NLGN1: variants seen among roughly 807,000 people sequenced by gnomAD.
NLGN1 encodes the protein neuroligin 1.
NLGN1 carries 12 observed loss-of-function variants against 65.5 expected under a neutral mutation model. The ratio of observed to expected loss-of-function variants is 0.18; its 90% confidence interval spans 0.12 to 0.30. The LOEUF is 0.30. NLGN1 is among the 10% of genes least tolerant of loss of function. NLGN1 has a pLI of 1.00. For missense variants in NLGN1, 750 were observed against 1,007.1 expected, an observed-to-expected ratio of 0.74 and a Z score of 3.46; for synonymous variants, 350 against 359.5, an observed-to-expected ratio of 0.97 and a Z score of 0.30.
intron 4 of NLGN1, among the ~76,000 whole-genome samples, chr3:173,838,572 C>T (rs1325771616): frequency 6.6e-6 from 1 of 152,134 alleles, no homozygotes; most frequent in Non-Finnish European, 1.5e-5. Context: ...GGGGATTTAT[C>T]TGCCTGCTTC....
chr3:173,922,938 C>G (rs1307461907), intron 4 of NLGN1, among the ~76,000 whole-genome samples: 2 of 152,030 alleles, frequency 1.3e-5, no homozygotes, highest in African/African-American at 2.4e-5. Flanking sequence ...TAAGCCTGTT[C>G]TGAGATTTGA....
chr3:173,580,534 C>T (rs1041846165), intron 2 of NLGN1, among the ~76,000 whole-genome samples: 4 of 151,844 alleles, frequency 2.6e-5, no homozygotes, highest in Non-Finnish European at 5.9e-5. Flanking sequence ...ATTGTTTGAT[C>T]TATTAAGTCA....
At chr3:174,198,015 G>T (rs1733788945) in intron 4 of NLGN1, among the ~76,000 whole-genome samples, 1 of 151,866 alleles carries the variant, frequency 6.6e-6, no homozygotes, top group Non-Finnish European at 1.5e-5. Flanking sequence ...ATTTGAGATG[G>T]TTCCTGTACT....
At chr3:173,427,387 T>G (rs960043673) in intron 1 of NLGN1, among the ~76,000 whole-genome samples, 1 of 151,954 alleles carries the variant, frequency 6.6e-6, no homozygotes, top group Non-Finnish European at 1.5e-5. Context: ...TCTATTTCCT[T>G]TAGATGCATA....
intron 4 of NLGN1, among the ~76,000 whole-genome samples, chr3:174,171,239 A>C (rs1728463566): frequency 6.6e-6 from 1 of 152,178 alleles, no homozygotes; most frequent in Non-Finnish European, 1.5e-5. Context: ...CAGGTGTCTA[A>C]TTGGTTGTTA....
intron 2 of NLGN1, among the ~76,000 whole-genome samples, chr3:173,539,902 A>C (rs1279365913): frequency 6.9e-6 from 1 of 145,748 alleles, no homozygotes; most frequent in East Asian, 2.0e-4. Context: ...TATATGTTAT[A>C]AATGTATATA....
At chr3:173,592,305 A>C (rs1223265692) in intron 2 of NLGN1, among the ~76,000 whole-genome samples, 1 of 152,204 alleles carries the variant, frequency 6.6e-6, no homozygotes, top group African/African-American at 2.4e-5. Flanking sequence ...AAGCTGTCTA[A>C]TATTTCGCCA....
chr3:173,618,373 G>A (rs933487339), intron 3 of NLGN1, among the ~76,000 whole-genome samples: 3 of 151,914 alleles, frequency 2.0e-5, no homozygotes, highest in African/African-American at 4.8e-5. Context: ...TTTTTAAATT[G>A]TTTTGTAGAG....
At chr3:173,908,396 A>G (rs1738887071) in intron 4 of NLGN1, among the ~76,000 whole-genome samples, 1 of 152,198 alleles carries the variant, frequency 6.6e-6, no homozygotes, top group Non-Finnish European at 1.5e-5. Context: ...CCACACAAAA[A>G]TGTTTGCATT....
At chr3:174,024,157 A>C (rs1213791425) in intron 4 of NLGN1, among the ~76,000 whole-genome samples, 17 of 151,708 alleles carry the variant, frequency 1.1e-4, no homozygotes, top group Admixed American at 7.2e-4. Flanking sequence ...AAAAAAAAAA[A>C]AAAAAAAAAC....
intron 3 of NLGN1, among the ~76,000 whole-genome samples, chr3:173,760,661 T>G (rs914636483): frequency 1.1e-4 from 16 of 152,056 alleles, no homozygotes; most frequent in African/African-American, 3.9e-4. Flanking sequence ...TTAGTACCTC[T>G]TTCTAATTAA....
At chr3:173,555,548 C>T (rs992527631) in intron 2 of NLGN1, among the ~76,000 whole-genome samples, 6 of 152,152 alleles carry the variant, frequency 3.9e-5, no homozygotes, top group African/African-American at 7.2e-5. Flanking sequence ...GGCATGATTA[C>T]GGCTCGCTAT....
chr3:173,821,973 C>T (rs566232017), intron 4 of NLGN1, among the ~76,000 whole-genome samples: 219 of 152,152 alleles, frequency 1.4e-3, no homozygotes, highest in African/African-American at 5.2e-3. Flanking sequence ...GCAAATAATT[C>T]TCAAAATATT....
intron 3 of NLGN1, among the ~76,000 whole-genome samples, chr3:173,713,102 A>G (rs1769259177): frequency 6.6e-6 from 1 of 152,150 alleles, no homozygotes; most frequent in South Asian, 2.1e-4. Context: ...CATTTTTATA[A>G]TTCTGGGCAG....
intron 2 of NLGN1, among the ~76,000 whole-genome samples, chr3:173,478,966 T>C (rs1231643330): frequency 6.6e-6 from 1 of 152,020 alleles, no homozygotes; most frequent in South Asian, 2.1e-4. Flanking sequence ...GACTATTACA[T>C]GAGGCATTTC....
intron 4 of NLGN1, among the ~76,000 whole-genome samples, chr3:173,944,124 GGT>G (rs1553897255): frequency 0.08 from 11,137 of 139,200 alleles, 547 homozygotes; most frequent in East Asian, 0.2. Flanking sequence ...TAATATTATG[GGT>G]GTGTGTGTGT....
chr3:173,695,133 G>A (rs770152240), intron 3 of NLGN1, among the ~76,000 whole-genome samples: 36 of 152,008 alleles, frequency 2.4e-4, no homozygotes, highest in Non-Finnish European at 4.9e-4. Context: ...ATATTTTATG[G>A]CCTAAATAAA....
chr3:173,948,963 A>G (rs992380227), intron 4 of NLGN1, among the ~76,000 whole-genome samples: 5 of 152,056 alleles, frequency 3.3e-5, no homozygotes, highest in African/African-American at 9.7e-5. Flanking sequence ...AGTAAATTTA[A>G]AAAAATAATA....
At position 173,720,177 on chromosome 3, in the gene NLGN1, G is replaced by T. The variant is rs561738409; in HGVS notation, c.494-87503G>T. Reference sequence around the variant, plus strand: ...TGCTGATTTCTGAGTCACGATCCAGGCCTGCTAAATCAGGATGCCTGAATG... The same window carrying T: ...TGCTGATTTCTGAGTCACGATCCAGTCCTGCTAAATCAGGATGCCTGAATG... On this transcript the variant is annotated intron_variant, in intron 3 of 6. Coordinates refer to ENST00000457714, the Ensembl canonical transcript of NLGN1. Among the ~76,000 whole-genome samples the T allele has an allele frequency of 3.3e-5, 5 of 152,118 alleles. No homozygotes were observed. The East Asian group carries it at 9.6e-4, about 29-fold the overall frequency.
Sources: gnomAD v4.1 joint callset for allele counts (sites outside exome capture counted in the v4.1 genomes callset) on GRCh38, gnomAD v4.1.1 for gene constraint, MANE v1.5 for transcripts, NCBI Gene and HGNC (gene_info 2026-07-23, HGNC 2026-07-21) for gene names.